SAMD3: variants seen among roughly 807,000 people sequenced by gnomAD.
The protein encoded by SAMD3 is sterile alpha motif domain containing 3.
A neutral mutation model predicts 58.5 loss-of-function variants in SAMD3; 63 were observed. The observed-to-expected ratio is 1.08, with a 90% CI of 0.88 to 1.33. The LOEUF is 1.33. SAMD3 is among the 40% of genes most tolerant of loss of function. The probability of loss-of-function intolerance (pLI) is 0.00; values close to 1 mark genes in which losing one functional copy is unlikely to be tolerated. For synonymous variants in SAMD3, 220 were observed against 210.3 expected (o/e 1.05, Z -0.40); for missense variants, 604 against 608.4 (o/e 0.99, Z 0.08).
chr6:130,292,486 C>G (rs1775405728), intron 2 of SAMD3, among the ~76,000 whole-genome samples: 1 of 151,360 alleles, frequency 6.6e-6, no homozygotes, highest in Non-Finnish European at 1.5e-5. Context: ...AGGGTTTCAC[C>G]CTGTTGGCCG....
At chr6:130,247,451 A>C (rs1207295220) in intron 2 of SAMD3, among the ~76,000 whole-genome samples, 1 of 150,348 alleles carries the variant, frequency 6.7e-6, no homozygotes, top group African/African-American at 2.5e-5. Context: ...TGGAGGACAG[A>C]GTGAGACTCC....
intron 1 of SAMD3, among the ~76,000 whole-genome samples, chr6:130,219,018 G>A (rs1048392449): frequency 6.6e-6 from 1 of 152,176 alleles, no homozygotes; most frequent in Non-Finnish European, 1.5e-5. Flanking sequence ...TTAGGCAGCT[G>A]AGTCAAATAA....
chr6:130,209,546 G>A lies in SAMD3; in HGVS notation c.332C>T (p.Pro111Leu), dbSNP rs1795356899. The change falls in exon 5 of 12, where the codon CCA (proline) becomes CTA (leucine). Residue 111 changes from proline to leucine, a missense_variant. By Grantham distance (98) the Pro-to-Leu change is moderately conservative. Transcript: ENST00000439090. ...TAGTCCATTATCAAGGTTTTCAGCT[G>A]GATAGAAAGATGGCATCTGCTCCCC... Reference protein sequence around the residue: ...RHGEQMPSFYPAENLDNGLID... With the variant: ...RHGEQMPSFYLAENLDNGLID... 1 of 1,613,834 alleles carries A rather than the reference G, an allele frequency of 6.2e-7. No individual in the cohort carries two copies. Among genetic ancestry groups the A allele is most frequent in the Non-Finnish European group, 8.5e-7 (1 of 1,179,758 alleles).
chr6:130,201,366 A>C (rs769399871), intron 5 of SAMD3, among the ~76,000 whole-genome samples: 10 of 152,196 alleles, frequency 6.6e-5, no homozygotes, highest in Non-Finnish European at 1.3e-4. Flanking sequence ...CATCCCCAGA[A>C]GTTCTTATTC....
chr6:130,162,060 A>T, intron 8 of SAMD3: 2 of 502,386 alleles, frequency 4.0e-6, no homozygotes, highest in South Asian at 3.3e-5. Context: ...GAGATGTGTG[A>T]CTTTAGAGGA....
intron 2 of SAMD3, among the ~76,000 whole-genome samples, chr6:130,272,334 G>A (rs1443634273): frequency 1.3e-5 from 2 of 152,116 alleles, no homozygotes; most frequent in African/African-American, 2.4e-5. Context: ...TTCAAGCATG[G>A]CTAAAATCAA....
At chr6:130,152,001 G>A (rs1200668594) in intron 9 of SAMD3, among the ~76,000 whole-genome samples, 1 of 152,130 alleles carries the variant, frequency 6.6e-6, no homozygotes, top group Admixed American at 6.6e-5. Flanking sequence ...AAAGTAAATG[G>A]TTACATTCTG....
At chr6:130,304,901 T>C (rs187564213) in intron 2 of SAMD3, among the ~76,000 whole-genome samples, 1 of 150,178 alleles carries the variant, frequency 6.7e-6, no homozygotes, top group Admixed American at 6.6e-5. Flanking sequence ...GTTGCTACTA[T>C]AAACACTAAA....
intron 1 of SAMD3, among the ~76,000 whole-genome samples, chr6:130,353,059 A>G (rs1284154582): frequency 2.0e-5 from 3 of 152,092 alleles, no homozygotes; most frequent in African/African-American, 7.2e-5. Flanking sequence ...GTTCACATCT[A>G]TTTCCTTTTG....
At chr6:130,238,084 C>T (rs1773226553) in intron 2 of SAMD3, among the ~76,000 whole-genome samples, 2 of 152,080 alleles carry the variant, frequency 1.3e-5, no homozygotes, top group African/African-American at 4.8e-5. Flanking sequence ...TCTCAATCAT[C>T]ATATTTTTAG....
intron 7 of SAMD3, chr6:130,183,228 T>C (rs1792548336): frequency 2.5e-6 from 1 of 396,998 alleles, no homozygotes; most frequent in African/African-American, 2.1e-5. Flanking sequence ...CAACCAGAGC[T>C]TAGAACTGCT....
intron 2 of SAMD3, among the ~76,000 whole-genome samples, chr6:130,255,582 C>T (rs989257907): frequency 6.6e-6 from 1 of 152,104 alleles, no homozygotes; most frequent in African/African-American, 2.4e-5. Flanking sequence ...AATAGCTATC[C>T]TTGTTCTCTT....
At chr6:130,186,835 A>G (rs183725473) in intron 5 of SAMD3, among the ~76,000 whole-genome samples, 5 of 144,684 alleles carry the variant, frequency 3.5e-5, no homozygotes, top group East Asian at 2.1e-4. Context: ...CAGTGGTGCA[A>G]TCTCGGCTCA....
chr6:130,277,291 T>G (rs1774808810), intron 2 of SAMD3, among the ~76,000 whole-genome samples: 1 of 152,180 alleles, frequency 6.6e-6, no homozygotes, highest in Admixed American at 6.5e-5. Context: ...CTATTATCAT[T>G]CTTGTTTCAA....
intron 5 of SAMD3, among the ~76,000 whole-genome samples, chr6:130,193,455 T>C (rs1367790998): frequency 6.6e-6 from 1 of 151,776 alleles, no homozygotes; most frequent in Non-Finnish European, 1.5e-5. Flanking sequence ...CGCCCCGACC[T>C]CTTATCTCTG....
chr6:130,162,540 C>A (rs1204791838), intron 8 of SAMD3, among the ~76,000 whole-genome samples: 1 of 152,064 alleles, frequency 6.6e-6, no homozygotes, highest in Admixed American at 6.6e-5. Context: ...CGGTATCTTG[C>A]CATGTTGCCC....
chr6:130,300,682 C>T (rs919657184), intron 2 of SAMD3, among the ~76,000 whole-genome samples: 17 of 152,202 alleles, frequency 1.1e-4, no homozygotes, highest in Middle Eastern at 3.4e-3. Flanking sequence ...AAGAGAAAGT[C>T]AAATTATCTC....
chr6:130,258,442 TG>T (rs1212118342), intron 2 of SAMD3, among the ~76,000 whole-genome samples: 1 of 152,250 alleles, frequency 6.6e-6, no homozygotes, highest in Non-Finnish European at 1.5e-5. Context: ...TTGTCCCTTC[TG>T]TTCTTTGTGT....
At chr6:130,165,915 T>C (rs1444904485) in intron 8 of SAMD3, among the ~76,000 whole-genome samples, 2 of 152,138 alleles carry the variant, frequency 1.3e-5, no homozygotes, top group Admixed American at 6.5e-5. Context: ...CATCGAGCTA[T>C]GATGACATGG....
Sources: allele counts gnomAD v4.1 joint callset (sites outside exome capture counted in the v4.1 genomes callset), GRCh38; gene constraint gnomAD v4.1.1; transcripts MANE v1.5; gene names NCBI Gene and HGNC (gene_info 2026-07-23, HGNC 2026-07-21).